Variants in THADA observed in about 807,000 individuals in gnomAD.
THADA encodes the protein THADA armadillo repeat containing, also known as tRNA (32-2'-O)-methyltransferase regulator THADA.
In THADA, 213 loss-of-function variants were observed where a neutral mutation model predicts 219.8. That is an observed-to-expected ratio of 0.97 (90% CI 0.87 to 1.09). The LOEUF is 1.09. Ranked by LOEUF, THADA falls within the 50% of genes least tolerant of loss-of-function variation. The pLI is 0.00. For synonymous variants in THADA, 1,018 were observed against 828.9 expected (o/e 1.23, Z -3.92); for missense variants, 2,956 against 2,311.3 (o/e 1.28, Z -5.72).
intron 26 of THADA, among the ~76,000 whole-genome samples, chr2:43,440,477 C>T (rs1337301867): frequency 6.6e-6 from 1 of 152,180 alleles, no homozygotes; most frequent in Non-Finnish European, 1.5e-5. Flanking sequence ...CATTCCACTA[C>T]AGGCCATTGT....
In THADA at chr2:43,287,037, G is replaced by T. The variant is rs1338788849; in HGVS notation, c.5035C>A (p.Leu1679Met). Residue 1679 changes from leucine (L) to methionine (M), a missense_variant, in exon 35 of 38, where the codon CTG (leucine) becomes ATG (methionine). Physicochemically the swap from Leu to Met is conservative, Grantham distance 15 (BLOSUM62 2). Transcript: ENST00000405975. Reference sequence around the variant, plus strand: ...ATGACCAGCTGAACCCACTGCTTCAGCTCAGCAGCTATCAATTCCCTGTTC... The same window carrying T: ...ATGACCAGCTGAACCCACTGCTTCATCTCAGCAGCTATCAATTCCCTGTTC... ...VENRELIAAE[L>M]KQWVQLVILS... 2 of 1,613,550 alleles carry T rather than the reference G, an allele frequency of 1.2e-6. No homozygotes were observed.
At chr2:43,363,409 T>C (rs1468293501) in intron 29 of THADA, among the ~76,000 whole-genome samples, 1 of 152,210 alleles carries the variant, frequency 6.6e-6, no homozygotes, top group Non-Finnish European at 1.5e-5. Context: ...TGCTGTTATG[T>C]GATGCATGAC....
At chr2:43,385,974 A>G (rs1271119952) in intron 29 of THADA, among the ~76,000 whole-genome samples, 3 of 152,142 alleles carry the variant, frequency 2.0e-5, no homozygotes, top group Non-Finnish European at 4.4e-5. Flanking sequence ...ATTTTACTTT[A>G]TAAAGATTAA....
At chr2:43,528,760 T>G (rs1031414964) in intron 21 of THADA, among the ~76,000 whole-genome samples, 7 of 152,318 alleles carry the variant, frequency 4.6e-5, no homozygotes, top group Admixed American at 2.6e-4. Context: ...TAGGTCTAGG[T>G]GAAATAATTA....
In THADA at chr2:43,230,903, A is replaced by G. The variant is rs1051471139; in HGVS notation, c.*45T>C. 1 of 1,533,096 alleles carries G rather than the reference A, an allele frequency of 6.5e-7. No individual in the cohort carries two copies. Among genetic ancestry groups the G allele is most frequent in the Admixed American group, 2.1e-5 (1 of 47,246 alleles). 95.0% of individuals were successfully genotyped at this position (1,533,096 alleles called of 1,614,324 possible). The stretch of plus-strand genomic sequence containing the variant: ...AACATGTTTCCTGCAGATTTAGTGG[A>G]GGAAAAATCCACACATACCCCCATC... On this transcript the variant is annotated 3_prime_UTR_variant, in exon 38 of 38. Coordinates refer to ENST00000405975, the MANE Select transcript of THADA (RefSeq NM_022065.5).
chr2:43,523,639 T>C (rs1477416700), intron 22 of THADA, among the ~76,000 whole-genome samples: 3 of 152,352 alleles, frequency 2.0e-5, no homozygotes, highest in African/African-American at 7.2e-5. Context: ...CATATTTAAA[T>C]GATTTCTGTC....
Position 43,231,235 on chromosome 2 carries a change from C to CG in THADA, c.5574dup (p.Gly1859ArgfsTer8), listed in dbSNP as rs765269400. The stretch of plus-strand genomic sequence containing the variant: ...ATCTCAGGGCTTGGGGGACGCCAGC[C>CG]GGACTTTGAGAGGAGACAGAAGAGG... On this transcript the variant is annotated frameshift_variant, in exon 38 of 38. Transcript: ENST00000405975. LOFTEE classifies it low-confidence loss of function (END_TRUNC). 6.2e-7 allele frequency: 1 copy of CG among 1,613,676 alleles called. No homozygotes were observed. The highest frequency in any genetic ancestry group is 8.5e-7 in the Non-Finnish European group (1 of 1,179,756).
intron 29 of THADA, among the ~76,000 whole-genome samples, chr2:43,365,043 C>T (rs928955662): frequency 2.6e-5 from 4 of 151,034 alleles, no homozygotes; most frequent in African/African-American, 9.7e-5. Context: ...CTGCAACCTC[C>T]GCCTCCCGAG....
chr2:43,587,703 G>A (rs1032448781), intron 4 of THADA, among the ~76,000 whole-genome samples: 1 of 152,062 alleles, frequency 6.6e-6, no homozygotes, highest in African/African-American at 2.4e-5. Context: ...CTTTTAGATA[G>A]CACTCATGCC....
chr2:43,541,454 G>A (rs532112414), intron 20 of THADA, 138 bp from the exon 21 acceptor site: 6 of 994,214 alleles, frequency 6.0e-6, no homozygotes, highest in Non-Finnish European at 7.5e-6. Flanking sequence ...TACTCAGAAG[G>A]AAAGAAGCTA....
chr2:43,317,636 T>G (rs192144141), intron 31 of THADA, among the ~76,000 whole-genome samples: 1 of 152,356 alleles, frequency 6.6e-6, no homozygotes, highest in Admixed American at 6.5e-5. Context: ...AAACAGTGCT[T>G]TCCATCTTAA....
At chr2:43,438,011 C>T (rs1187085196) in intron 26 of THADA, among the ~76,000 whole-genome samples, 1 of 151,960 alleles carries the variant, frequency 6.6e-6, no homozygotes, top group Non-Finnish European at 1.5e-5. Flanking sequence ...CTCAACTATA[C>T]CAAGGGATGG....
intron 26 of THADA, among the ~76,000 whole-genome samples, chr2:43,484,830 G>C (rs1180484277): frequency 1.3e-5 from 2 of 151,082 alleles, no homozygotes; most frequent in African/African-American, 4.9e-5. Flanking sequence ...CTAATGAGAG[G>C]ATCATAAACA....
chr2:43,443,948 C>A (rs894990943), intron 26 of THADA, among the ~76,000 whole-genome samples: 11 of 145,674 alleles, frequency 7.6e-5, no homozygotes, highest in African/African-American at 2.7e-4. Context: ...CATTGCTAGA[C>A]TCCACAGAGC....
intron 20 of THADA, among the ~76,000 whole-genome samples, chr2:43,544,232 A>G (rs745909164): frequency 2.0e-5 from 3 of 152,174 alleles, no homozygotes; most frequent in African/African-American, 7.2e-5. Context: ...CCATTGATCT[A>G]TATCTCTGTT....
intron 28 of THADA, among the ~76,000 whole-genome samples, chr2:43,413,384 T>C (rs1426746820): frequency 1.3e-5 from 2 of 152,098 alleles, no homozygotes; most frequent in African/African-American, 2.4e-5. Context: ...AAGTCAGCAG[T>C]CTGATTAGCA....
At chr2:43,491,170 C>G (rs1687588352) in intron 25 of THADA, among the ~76,000 whole-genome samples, 1 of 152,260 alleles carries the variant, frequency 6.6e-6, no homozygotes, top group East Asian at 1.9e-4. Flanking sequence ...AAGGAGGAAA[C>G]TGAAGTAGAC....
intron 22 of THADA, among the ~76,000 whole-genome samples, chr2:43,511,746 C>T (rs1344050245): frequency 6.6e-6 from 1 of 152,202 alleles, no homozygotes; most frequent in Admixed American, 6.5e-5. Context: ...CCAAATACTG[C>T]ATCTCACGAG....
intron 1 of THADA, among the ~76,000 whole-genome samples, chr2:43,593,925 G>A (rs1037917943): frequency 2.6e-5 from 4 of 152,050 alleles, no homozygotes; most frequent in Admixed American, 2.0e-4. Context: ...GAGCCACCGC[G>A]CCCAGCCTTA....
Sources: gnomAD v4.1 joint callset for allele counts (sites outside exome capture counted in the v4.1 genomes callset) on GRCh38, gnomAD v4.1.1 for gene constraint, MANE v1.5 for transcripts, NCBI Gene and HGNC (gene_info 2026-07-23, HGNC 2026-07-21) for gene names.